The following EGFR variants were observed in gnomAD, a reference collection of about 807,000 sequenced individuals.
EGFR encodes the protein avian erythroblastic leukemia viral (v-erb-b) oncogene homolog.
Under a neutral mutation model 143.0 loss-of-function variants are expected in EGFR, and 58 were observed. That is an observed-to-expected ratio of 0.41 (90% CI 0.33 to 0.50). The LOEUF (loss-of-function observed/expected upper bound fraction) is 0.50. Among genes scored for constraint, EGFR ranks in the 20% least tolerant of loss-of-function variants. The pLI is 0.39. For synonymous variants in EGFR, 613 were observed against 594.4 expected (o/e 1.03, Z -0.45); for missense variants, 1,307 against 1,579.0 (o/e 0.83, Z 2.92).
intron 1 of EGFR, among the ~76,000 whole-genome samples, chr7:55,033,203 C>T (rs1307893503): frequency 2.6e-5 from 4 of 152,176 alleles, no homozygotes; most frequent in Admixed American, 2.6e-4. Context: ...AGGGTAAATT[C>T]TCTGTAAGTA....
intron 7 of EGFR, among the ~76,000 whole-genome samples, chr7:55,154,909 T>G (rs1369257311): frequency 8.2e-6 from 1 of 121,886 alleles, no homozygotes; most frequent in African/African-American, 3.6e-5. Context: ...AATTTTACAT[T>G]CCGTATGGAA....
chr7:55,143,525 A>T (rs767676548), intron 3 of EGFR, 37 bp downstream of exon 3: 16 of 1,611,836 alleles, frequency 9.9e-6, no homozygotes, highest in Non-Finnish European at 1.4e-5. Context: ...GGGTTCATAA[A>T]TGCAGACAGC....
chr7:55,115,453 A>G (rs889878505), intron 1 of EGFR, among the ~76,000 whole-genome samples: 2 of 152,224 alleles, frequency 1.3e-5, no homozygotes, highest in Admixed American at 6.5e-5. Context: ...TTTAACATAT[A>G]TTTATTGTCC....
intron 1 of EGFR, among the ~76,000 whole-genome samples, chr7:55,061,751 A>T (rs1417535058): frequency 6.6e-6 from 1 of 152,072 alleles, no homozygotes; most frequent in Non-Finnish European, 1.5e-5. Flanking sequence ...ACTTAGCTAA[A>T]AGATGGGAAA....
chr7:55,144,227 T>A (rs1794634094), intron 3 of EGFR, among the ~76,000 whole-genome samples: 1 of 152,166 alleles, frequency 6.6e-6, no homozygotes, highest in African/African-American at 2.4e-5. Context: ...GGTGAAGGCG[T>A]CATTAGGTCG....
intron 4 of EGFR, 70 bp downstream of exon 4, chr7:55,146,810 G>A (rs1794790436): frequency 6.2e-7 from 1 of 1,601,940 alleles, no homozygotes; most frequent in African/African-American, 1.3e-5. Context: ...ACTGGGGCAG[G>A]GGAGAGAAGC....
chr7:55,152,517 G>A (rs1446521824), intron 5 of EGFR, 29 bp from the exon 6 acceptor site: 2 of 1,595,892 alleles, frequency 1.3e-6, no homozygotes, highest in Non-Finnish European at 1.7e-6. Flanking sequence ...TCACTCTTCA[G>A]CTCACAGGGA....
chr7:55,202,967 G>T, intron 27 of EGFR: 1 of 557,172 alleles, frequency 1.8e-6, no homozygotes, highest in Non-Finnish European at 3.2e-6. Flanking sequence ...GTGTGTGTTT[G>T]TGACAGATTT....
chr7:55,148,651 AG>A (rs1376228340), intron 4 of EGFR, among the ~76,000 whole-genome samples: 4 of 152,210 alleles, frequency 2.6e-5, no homozygotes, highest in Admixed American at 6.5e-5. Context: ...AGAACTATAA[AG>A]GGTTTTTAAA....
intron 15 of EGFR, chr7:55,166,163 AC>A: frequency 4.3e-6 from 2 of 462,916 alleles, no homozygotes; most frequent in South Asian, 1.9e-5. Flanking sequence ...AAAAACAAAA[AC>A]AAAAAAAAAA....
intron 15 of EGFR, among the ~76,000 whole-genome samples, chr7:55,167,541 A>G (rs1786115861): frequency 8.0e-6 from 1 of 124,382 alleles, no homozygotes; most frequent in Non-Finnish European, 1.7e-5. Context: ...TGGGAGTCAC[A>G]GTGGTGGTGG....
At chr7:55,137,599 A>G (rs1794217654) in intron 1 of EGFR, among the ~76,000 whole-genome samples, 1 of 152,220 alleles carries the variant, frequency 6.6e-6, no homozygotes, top group African/African-American at 2.4e-5. Flanking sequence ...GGCCCGCCCT[A>G]GATGTCCAAC....
At chr7:55,037,549 G>A (rs188176785) in intron 1 of EGFR, among the ~76,000 whole-genome samples, 1 of 152,342 alleles carries the variant, frequency 6.6e-6, no homozygotes, top group Admixed American at 6.5e-5. Context: ...CTTGTGTGAG[G>A]ATAGCCTCAT....
At position 55,167,100 on chromosome 7, in the gene EGFR, G is replaced by A. The variant is rs1439191904; in HGVS notation, c.1880+1663G>A. On this transcript the variant is annotated intron_variant, in intron 15 of 27. Coordinates refer to ENST00000275493, the MANE Select transcript of EGFR (RefSeq NM_005228.5). Reference sequence around the variant, plus strand: ...ATGGTGGTGATGATGATGAGGAGGTGGGAGTCACAATGGTGTCAGTGTTGA... The same window carrying A: ...ATGGTGGTGATGATGATGAGGAGGTAGGAGTCACAATGGTGTCAGTGTTGA... Among the ~76,000 whole-genome samples, 3 of 140,132 alleles carry A rather than the reference G, an allele frequency of 2.1e-5. 1 individual carries two copies. Among genetic ancestry groups the A allele is most frequent in the African/African-American group, 8.3e-5 (3 of 36,018 alleles). The allele number at this position is 140,132 out of a possible 152,430, so 91.9% of individuals were successfully genotyped here.
intron 4 of EGFR, among the ~76,000 whole-genome samples, chr7:55,147,325 A>C (rs730437): frequency 0.51 from 76,914 of 152,002 alleles, 19,536 homozygotes; most frequent in South Asian, 0.54. Context: ...TGGCGCCCTG[A>C]CTCAGGCCAG....
chr7:55,084,378 C>T (rs976734181), intron 1 of EGFR, among the ~76,000 whole-genome samples: 13 of 152,212 alleles, frequency 8.5e-5, no homozygotes, highest in African/African-American at 3.1e-4. Context: ...AGTGGGAAAG[C>T]ATGTGCCTCC....
At position 55,196,399 on chromosome 7, in the gene EGFR, T is replaced by G. The variant is rs576447952; in HGVS notation, c.2702-2318T>G. Among the ~76,000 whole-genome samples the G allele has an allele frequency of 1.8e-3, 274 of 152,188 alleles. 2 individuals carry two copies. The highest frequency in any genetic ancestry group is 3.1e-3 in the Non-Finnish European group (210 of 68,020). ...TTTTTTCTTGTGAATTTACTTAAGT[T>G]CCTTATAGATGCTGGTTATTAGACC... On this transcript the variant is annotated intron_variant, in intron 22 of 27. Transcript: ENST00000275493.
intron 1 of EGFR, among the ~76,000 whole-genome samples, chr7:55,106,057 G>T (rs1038984058): frequency 1.4e-4 from 22 of 152,212 alleles, no homozygotes; most frequent in Non-Finnish European, 2.1e-4. Context: ...ATCAGGTAGT[G>T]CAGAGTCCCC....
At position 55,205,922 on chromosome 7, in the gene EGFR, G is replaced by T; in HGVS notation, c.*305G>T. 1.4e-5 allele frequency: 6 copies of T among 444,142 alleles called. No individual in the cohort carries two copies. Among genetic ancestry groups the T allele is most frequent in the South Asian group, 5.2e-5 (2 of 38,318 alleles). The allele number at this position is 444,142 out of a possible 1,614,324, so 27.5% of individuals were successfully genotyped here. A position where few individuals can be genotyped will look rare whatever the true frequency, so the allele number is the denominator to read the frequency against. The stretch of plus-strand genomic sequence containing the variant: ...TGAAAAAAAAAAAAAGTATATGTGA[G>T]GATTTTTATTGATTGGGGATCTTGG... On this transcript the variant is annotated 3_prime_UTR_variant, in exon 28 of 28. Transcript: ENST00000275493.
Sources: allele counts gnomAD v4.1 joint callset (sites outside exome capture counted in the v4.1 genomes callset), GRCh38; gene constraint gnomAD v4.1.1; transcripts MANE v1.5; gene names NCBI Gene and HGNC (gene_info 2026-07-23, HGNC 2026-07-21).